DROSHA: variants seen among roughly 807,000 people sequenced by gnomAD.
DROSHA encodes the protein drosha ribonuclease III.
In DROSHA, 56 loss-of-function variants were observed where a neutral mutation model predicts 181.9. The observed-to-expected ratio is 0.31, with a 90% CI of 0.25 to 0.38. DROSHA has a LOEUF of 0.38. Among genes scored for constraint, DROSHA ranks in the 10% least tolerant of loss-of-function variants. DROSHA has a pLI of 1.00. For synonymous variants in DROSHA, 524 were observed against 591.2 expected (o/e 0.89, Z 1.65); for missense variants, 1,218 against 1,743.5 (o/e 0.70, Z 5.37).
At chr5:31,495,264 A>T in intron 12 of DROSHA, 22 bp downstream of exon 12, 3 of 1,606,982 alleles carry the variant, frequency 1.9e-6, no homozygotes. Context: ...AATGATATGC[A>T]TGTGATTCTT....
At chr5:31,413,627 G>A (rs1173103122) in intron 30 of DROSHA, among the ~76,000 whole-genome samples, 1 of 152,220 alleles carries the variant, frequency 6.6e-6, no homozygotes, top group African/African-American at 2.4e-5. Flanking sequence ...GCAACGTGCT[G>A]CTGCTGCCCT....
intron 19 of DROSHA, 151 bp downstream of exon 19, chr5:31,466,031 C>G (rs201046379): frequency 2.7e-6 from 2 of 733,490 alleles, no homozygotes; most frequent in Non-Finnish European, 4.4e-6. Flanking sequence ...AAAATCAATT[C>G]GTATAATAAT....
At chr5:31,460,408 T>C (rs1403593761) in intron 20 of DROSHA, among the ~76,000 whole-genome samples, 1 of 152,190 alleles carries the variant, frequency 6.6e-6, no homozygotes, top group Non-Finnish European at 1.5e-5. Flanking sequence ...CAATCCTTGG[T>C]AGCTTCTCTG....
chr5:31,407,517 C>A (rs1249525289), intron 33 of DROSHA, among the ~76,000 whole-genome samples: 4 of 152,144 alleles, frequency 2.6e-5, no homozygotes, highest in Non-Finnish European at 5.9e-5. Context: ...AAAAACAAAG[C>A]TCCAGGTACT....
In DROSHA at chr5:31,511,192, G is replaced by T; in HGVS notation, c.1291-16C>A. 1.9e-6 allele frequency: 3 copies of T among 1,608,834 alleles called. No individual in the cohort carries two copies. Among genetic ancestry groups the T allele is most frequent in the African/African-American group, 1.3e-5 (1 of 74,812 alleles). On this transcript the variant is annotated splice_polypyrimidine_tract_variant and intron_variant, in intron 8 of 35. Coordinates refer to ENST00000344624, the MANE Select transcript of DROSHA (RefSeq NM_001382508.1). ...TAGAATCTCCCTTTTAAAAATAAAG[G>T]ATCAATATTAGGAACTATATCAATA...
At chr5:31,461,724 T>A (rs964681245) in intron 20 of DROSHA, among the ~76,000 whole-genome samples, 29 of 151,292 alleles carry the variant, frequency 1.9e-4, no homozygotes, top group African/African-American at 6.8e-4. Context: ...ACTTTTGCCG[T>A]TTTCCCCTAA....
chr5:31,439,897 A>G (rs16901166), intron 23 of DROSHA, among the ~76,000 whole-genome samples: 9,045 of 152,234 alleles, frequency 0.059, 373 homozygotes, highest in East Asian at 0.17. Flanking sequence ...ACAGCAAAGG[A>G]CAGGCTTGGG....
intron 16 of DROSHA, among the ~76,000 whole-genome samples, chr5:31,481,190 T>C (rs1353578778): frequency 6.6e-6 from 1 of 152,178 alleles, no homozygotes; most frequent in Non-Finnish European, 1.5e-5. Context: ...AATACCAAAA[T>C]GCATTTTATA....
intron 35 of DROSHA, among the ~76,000 whole-genome samples, chr5:31,405,408 C>A (rs533181914): frequency 6.6e-6 from 1 of 151,714 alleles, no homozygotes; most frequent in Admixed American, 6.6e-5. Context: ...ACACAGCAGG[C>A]AGTTCACACA....
At position 31,431,620 on chromosome 5, in the gene DROSHA, G is replaced by A. The variant is rs1003588847; in HGVS notation, c.3101C>T (p.Ser1034Leu). The A allele has an allele frequency of 1.3e-5, 21 of 1,613,790 alleles. No homozygotes were observed. Among genetic ancestry groups the A allele is most frequent in the Non-Finnish European group, 1.8e-5 (21 of 1,179,880 alleles). ...ATTGGCCATTGCATGTCGAAGGTCC[G>A]ATTCTCTACAAAGGTCAGGCCCGTG... The part of the protein sequence containing the change: ...YAHGPDLCRE[S>L]DLRHAMANCF... The change falls in exon 26 of 36, where the codon TCG (serine) becomes TTG (leucine). Residue 1034 changes from serine to leucine, a missense_variant. Ser to Leu is a moderately radical substitution (Grantham distance 145, BLOSUM62 -2). This residue lies in a region of DROSHA where 1 missense variants were observed against 23.2 expected (regional missense o/e 0.04). Transcript: ENST00000344624.
intron 8 of DROSHA, among the ~76,000 whole-genome samples, chr5:31,513,208 G>GT (rs1350140270): frequency 6.6e-6 from 1 of 152,184 alleles, no homozygotes; most frequent in Non-Finnish European, 1.5e-5. Flanking sequence ...CATCCTGCGT[G>GT]TGAGGATGCG....
chr5:31,495,670 T>C (rs1190277617), intron 11 of DROSHA, among the ~76,000 whole-genome samples: 1 of 152,150 alleles, frequency 6.6e-6, no homozygotes, highest in Non-Finnish European at 1.5e-5. Context: ...AATGAGCAAT[T>C]ATCATCCATG....
chr5:31,436,157 G>C (rs1744757659), intron 24 of DROSHA, among the ~76,000 whole-genome samples: 1 of 152,154 alleles, frequency 6.6e-6, no homozygotes, highest in South Asian at 2.1e-4. Flanking sequence ...CACTCTAAGA[G>C]CAAACACATT....
intron 16 of DROSHA, among the ~76,000 whole-genome samples, chr5:31,474,230 G>A (rs998880919): frequency 5.9e-5 from 9 of 152,100 alleles, no homozygotes; most frequent in South Asian, 2.1e-4. Flanking sequence ...CTACTAATTC[G>A]TAGCAGTGAC....
chr5:31,508,200 G>A (rs1273922240), intron 10 of DROSHA, among the ~76,000 whole-genome samples: 1 of 152,066 alleles, frequency 6.6e-6, no homozygotes, highest in Non-Finnish European at 1.5e-5. Flanking sequence ...GCTCAAACAT[G>A]CTTAACAAGG....
At chr5:31,456,314 G>A (rs1377247434) in intron 20 of DROSHA, among the ~76,000 whole-genome samples, 2 of 152,116 alleles carry the variant, frequency 1.3e-5, no homozygotes, top group Non-Finnish European at 2.9e-5. Context: ...AACAAGGGGA[G>A]AATAAGAAAT....
In DROSHA at chr5:31,485,650, A is replaced by AAC. The variant is rs1554039002; in HGVS notation, c.1915-689_1915-688insGT. The stretch of plus-strand genomic sequence containing the variant: ...AAAAGGAAGTTAAAAAAAAAAAAAA[A>AAC]CCCTTCTAAAGCAGGAGAATGAAGG... On this transcript the variant is annotated intron_variant, in intron 14 of 35. Coordinates refer to ENST00000344624, the MANE Select transcript of DROSHA (RefSeq NM_001382508.1). Among the ~76,000 whole-genome samples the AAC allele has an allele frequency of 5.6e-3, 836 of 149,506 alleles. 14 individuals are homozygous for AAC. Among genetic ancestry groups the AAC allele is most frequent in the African/African-American group, 0.016 (659 of 40,456 alleles).
At chr5:31,446,319 C>A (rs577448753) in intron 23 of DROSHA, among the ~76,000 whole-genome samples, 2 of 151,486 alleles carry the variant, frequency 1.3e-5, no homozygotes, top group African/African-American at 4.9e-5. Context: ...TGGTGGCGGG[C>A]GCCTGTAGTC....
In DROSHA at chr5:31,530,934, G is replaced by A. The variant is rs1741241406; in HGVS notation, c.-173-10C>T. 2.5e-6 allele frequency: 1 copy of A among 398,364 alleles called. No individual in the cohort carries two copies. The highest frequency in any genetic ancestry group is 1.3e-4 in the South Asian group (1 of 7,854). The allele number at this position is 398,364 out of a possible 1,614,324, so 24.7% of individuals were successfully genotyped here. ...CCCCGGGAAAAGCAACCTACACACA[G>A]TAGGTGGTCAATAAATGTTTACTCT... is the stretch of plus-strand genomic sequence containing the variant. On this transcript the variant is annotated splice_polypyrimidine_tract_variant and intron_variant, in intron 2 of 35. Coordinates refer to ENST00000344624, the MANE Select transcript of DROSHA (RefSeq NM_001382508.1).
Sources: allele counts gnomAD v4.1 joint callset (sites outside exome capture counted in the v4.1 genomes callset), GRCh38; gene constraint gnomAD v4.1.1; regional missense constraint gnomAD v4.1.1; transcripts MANE v1.5; gene names NCBI Gene and HGNC (gene_info 2026-07-23, HGNC 2026-07-21).